HBQ1: variants seen among roughly 807,000 people sequenced by gnomAD.
The protein encoded by HBQ1 is hemoglobin subunit theta-1.
A neutral mutation model predicts 8.2 loss-of-function variants in HBQ1; 9 were observed. That is an observed-to-expected ratio of 1.10 (90% CI 0.66 to 1.92). The LOEUF is 1.92. Among genes scored for constraint, HBQ1 ranks in the 40% most tolerant of loss-of-function variants. The pLI, the probability that HBQ1 is intolerant of heterozygous loss-of-function variation, is 0.00. For synonymous variants in HBQ1, 102 were observed against 100.0 expected (o/e 1.02, Z -0.12); for missense variants, 216 against 189.3 (o/e 1.14, Z -0.83).
chr16:180,927 CG>C (rs1023376259), intron 2 of HBQ1, 52 bp from the exon 3 acceptor site: 1 of 1,512,958 alleles, frequency 6.6e-7, no homozygotes, highest in South Asian at 1.3e-5. Flanking sequence ...GGGGTGGGTG[CG>C]GGGGGCGTGC....
At chr16:180,630 C>G (rs773029849) in intron 1 of HBQ1, 36 bp from the exon 2 acceptor site, 1 of 1,526,070 alleles carries the variant, frequency 6.6e-7, no homozygotes, top group African/African-American at 1.4e-5. Flanking sequence ...CCTCCCCAAG[C>G]CCCCCGGACG....
chr16:180,926 G>GC (rs1902250868), intron 2 of HBQ1, 54 bp from the exon 3 acceptor site: 1 of 1,513,854 alleles, frequency 6.6e-7, no homozygotes, highest in African/African-American at 1.4e-5. Context: ...CGGGGTGGGT[G>GC]CGGGGGGCGT....
At chr16:180,631 C>T (rs760444390) in intron 1 of HBQ1, 35 bp from the exon 2 acceptor site, 8 of 1,534,964 alleles carry the variant, frequency 5.2e-6, no homozygotes, top group African/African-American at 2.7e-5. Flanking sequence ...CTCCCCAAGC[C>T]CCCCGGACGC....
At position 180,461 on chromosome 16, in the gene HBQ1, AG is replaced by A. The variant is rs1902237802; in HGVS notation, c.-23del. 1 of 1,402,660 alleles carries A rather than the reference AG, an allele frequency of 7.1e-7. No homozygotes were observed. The highest frequency in any genetic ancestry group is 9.4e-7 in the Non-Finnish European group (1 of 1,069,130). 86.9% of individuals were successfully genotyped at this position (1,402,660 alleles called of 1,614,324 possible). ...GTCCGCGCAGGCGCAGCGGGGTCGC[AG>A]GGCGCGGCGGGTTCCAGCGCGGGGA... On this transcript the variant is annotated 5_prime_UTR_variant, in exon 1 of 3. Coordinates refer to ENST00000199708, the MANE Select transcript of HBQ1 (RefSeq NM_005331.5).
chr16:180,919 G>A (rs761622380), intron 2 of HBQ1, 49 bp downstream of exon 2: 11 of 1,509,728 alleles, frequency 7.3e-6, no homozygotes, highest in Non-Finnish European at 9.7e-6. Flanking sequence ...GCCCCGGCGG[G>A]GTGGGTGCGG....
Position 181,064 on chromosome 16 carries a change from T to G in HBQ1, c.385T>G (p.Phe129Val). The change falls in exon 3 of 3, where the codon TTC becomes GTC. Residue 129 changes from phenylalanine to valine, a missense_variant. Physicochemically the swap from Phe to Val is conservative, Grantham distance 50 (BLOSUM62 -1). Transcript: ENST00000199708. ...SPALQASLDK[F>V]LSHVISALVS... The stretch of plus-strand genomic sequence containing the variant: ...CGCGCTGCAGGCGTCGCTGGACAAG[T>G]TCCTGAGCCACGTTATCTCGGCGCT... 1 of 1,613,416 alleles carries G rather than the reference T, an allele frequency of 6.2e-7. No individual in the cohort carries two copies. Among genetic ancestry groups the G allele is most frequent in the Non-Finnish European group, 8.5e-7 (1 of 1,179,902 alleles).
rs1039107273 is a variant in HBQ1 at position 180,857 on chromosome 16, C to G, written c.287C>G (p.Pro96Arg). The G allele has an allele frequency of 2.0e-6, 3 of 1,537,230 alleles. No homozygotes were observed. The African/African-American group carries it at 4.1e-5, about 21-fold the overall frequency. ...CACGCGTGCCAGCTGCGAGTGGACC[C>G]GGCCAGCTTCCAGGTGAGCGGCTGC... ...HLHACQLRVD[P>R]ASFQLLGHCL... is the part of the protein sequence containing the mutation. Residue 96 changes from proline (P) to arginine (R), a missense_variant, in exon 2 of 3, where the codon CCG (proline) becomes CGG (arginine). Coordinates refer to ENST00000199708, the MANE Select transcript of HBQ1 (RefSeq NM_005331.5).
In HBQ1 at chr16:181,091, G is replaced by C. The variant is rs1249731049; in HGVS notation, c.412G>C (p.Val138Leu). Residue 138 changes from valine to leucine, a missense_variant, in exon 3 of 3, where the codon GTT (valine) becomes CTT (leucine). Val to Leu is a conservative substitution (Grantham distance 32). Transcript: ENST00000199708. ...KFLSHVISALVSEYR is the reference protein window; with the variant it reads ...KFLSHVISALLSEYR ...CCTGAGCCACGTTATCTCGGCGCTG[G>C]TTTCCGAGTACCGCTGAACTGTGGG... The C allele has an allele frequency of 6.2e-7, 1 of 1,613,398 alleles. No individual in the cohort carries two copies. The highest frequency in any genetic ancestry group is 8.5e-7 in the Non-Finnish European group (1 of 1,179,876).
In HBQ1 at chr16:180,761, C is replaced by A. The variant is rs1304270578; in HGVS notation, c.191C>A (p.Ala64Glu). ...GTCAGAGCCCACGGCCAGAAGGTGGCGGACGCGCTGAGCCTCGCCGTGGAG... is the reference window on the plus strand; with the variant it reads ...GTCAGAGCCCACGGCCAGAAGGTGGAGGACGCGCTGAGCCTCGCCGTGGAG... ...SQVRAHGQKV[A>E]DALSLAVERL... Residue 64 changes from alanine to glutamate, a missense_variant, in exon 2 of 3, where the codon GCG (alanine) becomes GAG (glutamate). Ala to Glu is a moderately radical substitution (Grantham distance 107). Coordinates refer to ENST00000199708, the MANE Select transcript of HBQ1 (RefSeq NM_005331.5). The A allele has an allele frequency of 1.3e-6, 2 of 1,579,304 alleles. No individual in the cohort carries two copies. Among genetic ancestry groups the A allele is most frequent in the East Asian group, 4.7e-5 (2 of 42,772 alleles).
At position 180,665 on chromosome 16, in the gene HBQ1, G is replaced by T. The variant is rs1186864557; in HGVS notation, c.96-1G>T. On this transcript the variant is annotated splice_acceptor_variant, in intron 1 of 2. Transcript: ENST00000199708. LOFTEE classifies it high-confidence loss of function. ...GCGCCTCACCCACGTTCCTCTCGCA[G>T]GACCTTCCTGGCTTTCCCCGCCACG... is the stretch of plus-strand genomic sequence containing the variant. The T allele has an allele frequency of 1.3e-6, 2 of 1,558,070 alleles. No homozygotes were observed. Among genetic ancestry groups the T allele is most frequent in the Non-Finnish European group, 1.7e-6 (2 of 1,154,560 alleles).
Position 181,132 on chromosome 16 carries a change from TC to T in HBQ1, c.*28del. 1 of 1,611,068 alleles carries T rather than the reference TC, an allele frequency of 6.2e-7. No individual in the cohort carries two copies. Among genetic ancestry groups the T allele is most frequent in the Non-Finnish European group, 8.5e-7 (1 of 1,178,946 alleles). On this transcript the variant is annotated 3_prime_UTR_variant, in exon 3 of 3. Coordinates refer to ENST00000199708, the MANE Select transcript of HBQ1 (RefSeq NM_005331.5). ...GAACTGTGGGTGGGTGGCCGCGGGATCCCCAGGCGACCTTCCCCGTGTTTGA... is the reference window on the plus strand; with the variant it reads ...GAACTGTGGGTGGGTGGCCGCGGGATCCCAGGCGACCTTCCCCGTGTTTGA...
In HBQ1 at chr16:180,979, G is replaced by C; in HGVS notation, c.301-1G>C. The C allele has an allele frequency of 1.9e-6, 3 of 1,606,870 alleles. No homozygotes were observed. Among genetic ancestry groups the C allele is most frequent in the Middle Eastern group, 3.7e-4 (2 of 5,422 alleles). On this transcript the variant is annotated splice_acceptor_variant, in intron 2 of 2. Transcript: ENST00000199708. LOFTEE classifies it high-confidence loss of function. ...GAGTGAGCCTTGAGCGCTCGCCGCAGCTCCTGGGCCACTGCCTGCTGGTAA... is the reference window on the plus strand; with the variant it reads ...GAGTGAGCCTTGAGCGCTCGCCGCACCTCCTGGGCCACTGCCTGCTGGTAA...
intron 2 of HBQ1, 37 bp from the exon 3 acceptor site, chr16:180,921 TGGGTGCGGGGGGCGTGCGGGGC>T (rs1387703605): frequency 2.0e-6 from 3 of 1,506,676 alleles, no homozygotes; most frequent in East Asian, 2.5e-5. Flanking sequence ...CCCGGCGGGG[TGGGTGCGGGGGGCGTGCGGGGC>T]GGGTGCAGGC....
In HBQ1 at chr16:180,526, CT is replaced by C; in HGVS notation, c.41del (p.Leu14ArgfsTer36). On this transcript the variant is annotated frameshift_variant, in exon 1 of 3. Coordinates refer to ENST00000199708, the MANE Select transcript of HBQ1 (RefSeq NM_005331.5). LOFTEE classifies it high-confidence loss of function. The part of the protein sequence containing the change: ...SAEDRALVRA[L>X]WKKLGSNVGV... ...GGAGGACCGGGCGCTGGTGCGCGCCCTGTGGAAGAAGCTGGGCAGCAACGTC... is the reference window on the plus strand; with the variant it reads ...GGAGGACCGGGCGCTGGTGCGCGCCCGTGGAAGAAGCTGGGCAGCAACGTC... 1.3e-6 allele frequency: 2 copies of C among 1,537,208 alleles called. No individual in the cohort carries two copies. Among genetic ancestry groups the C allele is most frequent in the South Asian group, 1.2e-5 (1 of 83,484 alleles).
At chr16:180,642 G>T in intron 1 of HBQ1, 24 bp from the exon 2 acceptor site, 1 of 1,429,798 alleles carries the variant, frequency 7.0e-7, no homozygotes, top group Admixed American at 2.0e-5. Context: ...CCCCGGACGC[G>T]CCTCACCCAC....
Sources: gnomAD v4.1 joint callset for allele counts on GRCh38, gnomAD v4.1.1 for gene constraint, MANE v1.5 for transcripts, NCBI Gene and HGNC (gene_info 2026-07-23, HGNC 2026-07-21) for gene names.